ZCWPW2: variants seen among roughly 807,000 people sequenced by gnomAD.
ZCWPW2 encodes the protein zinc finger CW-type and PWWP domain containing 2.
In ZCWPW2, 45 loss-of-function variants were observed where a neutral mutation model predicts 46.6. The observed-to-expected ratio is 0.96, with a 90% CI of 0.76 to 1.24. ZCWPW2 has a LOEUF of 1.24. Ranked by LOEUF, ZCWPW2 falls within the 50% of genes most tolerant of loss-of-function variation. The pLI is 0.00. For synonymous variants in ZCWPW2, 152 were observed against 137.1 expected, an observed-to-expected ratio of 1.11 and a Z score of -0.76; for missense variants, 429 against 403.9, an observed-to-expected ratio of 1.06 and a Z score of -0.53.
At chr3:28,426,044 G>A (rs569556906) in intron 3 of ZCWPW2, among the ~76,000 whole-genome samples, 13 of 152,042 alleles carry the variant, frequency 8.6e-5, no homozygotes, top group Non-Finnish European at 1.9e-4. Context: ...GGGAGGCAGA[G>A]GTTGCAGTGA....
chr3:28,484,168 AG>A (rs1699518201), intron 5 of ZCWPW2, among the ~76,000 whole-genome samples: 1 of 150,374 alleles, frequency 6.7e-6, no homozygotes, highest in Non-Finnish European at 1.5e-5. Context: ...TTGTTTCCTG[AG>A]GTTTTTTTTT....
chr3:28,361,027 A>T (rs1277280867), intron 1 of ZCWPW2, among the ~76,000 whole-genome samples: 2 of 152,200 alleles, frequency 1.3e-5, no homozygotes, highest in Admixed American at 1.3e-4. Flanking sequence ...ACATAAATAA[A>T]TTTTGTGTTT....
chr3:28,357,124 C>G (rs1704767153), intron 1 of ZCWPW2, among the ~76,000 whole-genome samples: 1 of 151,950 alleles, frequency 6.6e-6, no homozygotes, highest in South Asian at 2.1e-4. Flanking sequence ...AAGAATAATT[C>G]TGTTTTGAGG....
chr3:28,390,456 A>G (rs1175295319), intron 1 of ZCWPW2, 42 bp from the exon 2 acceptor site: 3 of 979,370 alleles, frequency 3.1e-6, no homozygotes, highest in Non-Finnish European at 3.6e-6. Flanking sequence ...TGTGGGTATT[A>G]TATAGTTTTA....
intron 6 of ZCWPW2, chr3:28,511,126 AG>A (rs1700415071): frequency 2.2e-6 from 1 of 449,508 alleles, no homozygotes; most frequent in Non-Finnish European, 4.5e-6. Flanking sequence ...AGAGGGGAAG[AG>A]GTAAATGTAT....
intron 9 of ZCWPW2, 117 bp from the exon 10 acceptor site, chr3:28,524,410 T>G: frequency 9.7e-7 from 1 of 1,028,628 alleles, no homozygotes; most frequent in East Asian, 2.5e-5. Flanking sequence ...ATTTGAACAC[T>G]AGAATAACAG....
intron 6 of ZCWPW2, among the ~76,000 whole-genome samples, chr3:28,510,408 T>A (rs1270631328): frequency 6.6e-6 from 1 of 152,194 alleles, no homozygotes; most frequent in Non-Finnish European, 1.5e-5. Flanking sequence ...TTGTGTATTT[T>A]TGCTTTTCTT....
At chr3:28,409,679 A>G (rs1410906265) in intron 2 of ZCWPW2, among the ~76,000 whole-genome samples, 3 of 152,194 alleles carry the variant, frequency 2.0e-5, no homozygotes, top group African/African-American at 7.2e-5. Flanking sequence ...ACCTTGTTAA[A>G]TCATGTATTA....
intron 5 of ZCWPW2, among the ~76,000 whole-genome samples, chr3:28,482,803 G>A (rs1053577067): frequency 6.6e-6 from 1 of 152,046 alleles, no homozygotes; most frequent in Admixed American, 6.6e-5. Flanking sequence ...ATCTTCTTTG[G>A]TGAGTTGTTT....
intron 1 of ZCWPW2, among the ~76,000 whole-genome samples, chr3:28,382,284 G>A (rs76726881): frequency 0.026 from 3,989 of 152,134 alleles, 155 homozygotes; most frequent in African/African-American, 0.085. Flanking sequence ...TATGAGGGAA[G>A]GATCTGTTTC....
At chr3:28,396,378 G>A (rs1336831731) in intron 2 of ZCWPW2, among the ~76,000 whole-genome samples, 1 of 152,038 alleles carries the variant, frequency 6.6e-6, no homozygotes, top group Admixed American at 6.5e-5. Context: ...GAGGTAGGCA[G>A]GACACAAATA....
intron 3 of ZCWPW2, among the ~76,000 whole-genome samples, chr3:28,422,629 A>G (rs1299825591): frequency 1.3e-5 from 2 of 152,198 alleles, no homozygotes; most frequent in Non-Finnish European, 2.9e-5. Context: ...ACTGAAGGAT[A>G]TCTTGGTTAC....
At position 28,524,764 on chromosome 3, in the gene ZCWPW2, T is replaced by C; in HGVS notation, c.*76T>C. 3 of 1,225,718 alleles carry C rather than the reference T, an allele frequency of 2.4e-6. No homozygotes were observed. The highest frequency in any genetic ancestry group is 3.2e-5 in the African/African-American group (2 of 63,282). The allele number at this position is 1,225,718 out of a possible 1,614,324, so 75.9% of individuals were successfully genotyped here. A position where few individuals can be genotyped will look rare whatever the true frequency, so the allele number is the denominator to read the frequency against. ...TTATCCAAAGTTAAAACTTTAAAAA[T>C]GTTTAGTGAAATAGGTATAAATTAT... On this transcript the variant is annotated 3_prime_UTR_variant, in exon 10 of 10. Transcript: ENST00000383768.
At chr3:28,371,416 G>A (rs1194392443) in intron 1 of ZCWPW2, among the ~76,000 whole-genome samples, 1 of 152,308 alleles carries the variant, frequency 6.6e-6, no homozygotes, top group East Asian at 1.9e-4. Flanking sequence ...GAGAAATCAA[G>A]TGTAGGGGGA....
chr3:28,483,133 C>G (rs978851931), intron 5 of ZCWPW2, among the ~76,000 whole-genome samples: 1 of 152,072 alleles, frequency 6.6e-6, no homozygotes, highest in Non-Finnish European at 1.5e-5. Flanking sequence ...TTGCATTTCG[C>G]CCTATGATTC....
At chr3:28,364,082 G>T (rs530562500) in intron 1 of ZCWPW2, among the ~76,000 whole-genome samples, 2 of 152,274 alleles carry the variant, frequency 1.3e-5, no homozygotes, top group African/African-American at 4.8e-5. Flanking sequence ...ATCACAGTAA[G>T]ATCACTACAC....
intron 2 of ZCWPW2, among the ~76,000 whole-genome samples, chr3:28,400,506 A>G (rs1695877440): frequency 6.6e-6 from 1 of 152,208 alleles, no homozygotes; most frequent in Non-Finnish European, 1.5e-5. Flanking sequence ...TCTAAAGTTA[A>G]GATGAAGGAA....
intron 3 of ZCWPW2, among the ~76,000 whole-genome samples, chr3:28,413,981 A>G (rs541194782): frequency 2.8e-4 from 42 of 152,102 alleles, no homozygotes; most frequent in African/African-American, 9.4e-4. Flanking sequence ...TTATATTCCA[A>G]TATTTCCCAT....
At chr3:28,430,770 G>C (rs954005171) in intron 3 of ZCWPW2, among the ~76,000 whole-genome samples, 1 of 152,070 alleles carries the variant, frequency 6.6e-6, no homozygotes, top group Non-Finnish European at 1.5e-5. Flanking sequence ...AGATTTGATG[G>C]TTTTATAAGG....
Sources: gnomAD v4.1 joint callset for allele counts (sites outside exome capture counted in the v4.1 genomes callset) on GRCh38, gnomAD v4.1.1 for gene constraint, MANE v1.5 for transcripts, NCBI Gene and HGNC (gene_info 2026-07-23, HGNC 2026-07-21) for gene names.